The following ADD3 variants were observed in gnomAD, a reference collection of about 807,000 sequenced individuals.
ADD3 encodes the protein gamma-adducin.
A neutral mutation model predicts 80.2 loss-of-function variants in ADD3; 25 were observed. The ratio of observed to expected loss-of-function variants is 0.31; its 90% confidence interval spans 0.23 to 0.44. The LOEUF (loss-of-function observed/expected upper bound fraction) is 0.44. ADD3 is among the 20% of genes least tolerant of loss of function. The pLI is 1.00. For synonymous variants in ADD3, 284 were observed against 289.6 expected, an observed-to-expected ratio of 0.98 and a Z score of 0.20; for missense variants, 829 against 847.5, an observed-to-expected ratio of 0.98 and a Z score of 0.27.
intron 1 of ADD3, among the ~76,000 whole-genome samples, chr10:110,033,890 A>G (rs1855336233): frequency 6.6e-6 from 1 of 152,206 alleles, no homozygotes. Flanking sequence ...CATTAGTTCT[A>G]AGAGATTTCT....
chr10:110,121,880 T>C, intron 8 of ADD3: 1 of 374,186 alleles, frequency 2.7e-6, no homozygotes, highest in Non-Finnish European at 4.7e-6. Context: ...ATGGCTCTAA[T>C]GTGTTTTCCA....
At chr10:110,095,968 AT>A (rs1423119425) in intron 1 of ADD3, among the ~76,000 whole-genome samples, 23 of 152,276 alleles carry the variant, frequency 1.5e-4, no homozygotes, top group Non-Finnish European at 2.8e-4. Context: ...GGAAATGGGC[AT>A]TGCTATTAAA....
chr10:110,063,443 G>C (rs951663381), intron 1 of ADD3, among the ~76,000 whole-genome samples: 1 of 151,822 alleles, frequency 6.6e-6, no homozygotes, highest in African/African-American at 2.4e-5. Flanking sequence ...TTGTATAGGA[G>C]TATATATAGA....
intron 1 of ADD3, among the ~76,000 whole-genome samples, chr10:110,062,632 A>G (rs1859070592): frequency 6.6e-6 from 1 of 152,172 alleles, no homozygotes; most frequent in Admixed American, 6.5e-5. Context: ...GAAAGTGTGA[A>G]ATGTACCCCC....
intron 1 of ADD3, among the ~76,000 whole-genome samples, chr10:110,048,804 A>G (rs1857175578): frequency 6.6e-6 from 1 of 152,232 alleles, no homozygotes; most frequent in Non-Finnish European, 1.5e-5. Context: ...CAGCCTGATG[A>G]TGTGATAGAA....
At chr10:110,024,366 A>G (rs1475007337) in intron 1 of ADD3, among the ~76,000 whole-genome samples, 3 of 152,012 alleles carry the variant, frequency 2.0e-5, no homozygotes, top group African/African-American at 7.2e-5. Context: ...AATTATTGCC[A>G]AAAAAAATCA....
chr10:110,013,053 AG>A (rs1203651993), intron 1 of ADD3, among the ~76,000 whole-genome samples: 1 of 152,182 alleles, frequency 6.6e-6, no homozygotes, highest in Non-Finnish European at 1.5e-5. Flanking sequence ...CTGGCATTTA[AG>A]ATGACTACCT....
chr10:110,071,510 A>G (rs1338404377), intron 1 of ADD3, among the ~76,000 whole-genome samples: 2 of 152,198 alleles, frequency 1.3e-5, no homozygotes, highest in African/African-American at 2.4e-5. Flanking sequence ...TTTTGTTTTT[A>G]CTTGTTTTCT....
At chr10:110,081,628 G>C (rs1372258065) in intron 1 of ADD3, among the ~76,000 whole-genome samples, 1 of 152,054 alleles carries the variant, frequency 6.6e-6, no homozygotes, top group African/African-American at 2.4e-5. Flanking sequence ...TGTGGTGCTT[G>C]GACTAATTAA....
At chr10:110,059,194 G>T (rs926011821) in intron 1 of ADD3, among the ~76,000 whole-genome samples, 2 of 28,864 alleles carry the variant, frequency 6.9e-5, no homozygotes, top group Non-Finnish European at 9.6e-4. Flanking sequence ...CATACAGGCC[G>T]GGTACAGTGG....
At chr10:110,128,561 G>T (rs943007834) in intron 12 of ADD3, among the ~76,000 whole-genome samples, 4 of 151,902 alleles carry the variant, frequency 2.6e-5, no homozygotes, top group South Asian at 2.1e-4. Flanking sequence ...GACTACAGGC[G>T]CCTGTCACCG....
At chr10:110,115,954 T>G (rs1336435145) in intron 3 of ADD3, among the ~76,000 whole-genome samples, 1 of 152,224 alleles carries the variant, frequency 6.6e-6, no homozygotes, top group Non-Finnish European at 1.5e-5. Flanking sequence ...TTTAACACTT[T>G]TACCCTCGGA....
intron 1 of ADD3, among the ~76,000 whole-genome samples, chr10:110,037,610 A>C (rs1855819687): frequency 6.6e-6 from 1 of 151,634 alleles, no homozygotes; most frequent in Non-Finnish European, 1.5e-5. Context: ...GTCTCAAAAA[A>C]AAAAAAAAAA....
At chr10:110,060,644 A>G (rs1589926343) in intron 1 of ADD3, among the ~76,000 whole-genome samples, 1 of 152,332 alleles carries the variant, frequency 6.6e-6, no homozygotes, top group South Asian at 2.1e-4. Context: ...CTGGAACAAT[A>G]TTAAACTACT....
Position 110,119,351 on chromosome 10 carries a change from T to G in ADD3, c.858T>G (p.Cys286Trp). The G allele has an allele frequency of 6.2e-7, 1 of 1,614,042 alleles. No individual in the cohort carries two copies. The highest frequency in any genetic ancestry group is 8.5e-7 in the Non-Finnish European group (1 of 1,179,970). ...TGCAGAAGGTTCTGGGACCAAGTTG[T>G]AAGGTATGTAGTAGAGTTTGTCTAA... The part of the protein sequence containing the change: ...IQLQKVLGPS[C>W]KVLVLRNHGV... Residue 286 changes from cysteine (C) to tryptophan (W), a missense_variant, in exon 7 of 15, where the codon TGT becomes TGG. By Grantham distance (215) the Cys-to-Trp change is radical. Coordinates refer to ENST00000356080, the MANE Select transcript of ADD3 (RefSeq NM_016824.5).
At chr10:110,080,639 T>A (rs1845958691) in intron 1 of ADD3, among the ~76,000 whole-genome samples, 1 of 152,214 alleles carries the variant, frequency 6.6e-6, no homozygotes, top group Non-Finnish European at 1.5e-5. Flanking sequence ...ATTGTGAAGT[T>A]ATGTTTGTTT....
chr10:110,123,285 A>C (rs1041629222), intron 9 of ADD3, among the ~76,000 whole-genome samples: 3 of 151,890 alleles, frequency 2.0e-5, no homozygotes, highest in Non-Finnish European at 4.4e-5. Context: ...TGTATGAGGA[A>C]CCTCCATACT....
chr10:110,115,209 G>C (rs1850572561), intron 3 of ADD3, among the ~76,000 whole-genome samples: 1 of 151,882 alleles, frequency 6.6e-6, no homozygotes, highest in African/African-American at 2.4e-5. Flanking sequence ...GACCAACAAG[G>C]AAAAAACCTG....
intron 1 of ADD3, among the ~76,000 whole-genome samples, chr10:110,066,926 T>G (rs1342622066): frequency 6.6e-6 from 1 of 152,242 alleles, no homozygotes; most frequent in African/African-American, 2.4e-5. Context: ...TCTTTTGCAC[T>G]CTAGCTACAA....
Sources: allele counts gnomAD v4.1 joint callset (sites outside exome capture counted in the v4.1 genomes callset), GRCh38; gene constraint gnomAD v4.1.1; transcripts MANE v1.5; gene names NCBI Gene and HGNC (gene_info 2026-07-23, HGNC 2026-07-21).